ZNF146: variants seen among roughly 807,000 people sequenced by gnomAD.
The protein encoded by ZNF146 is zinc finger protein OZF.
Under a neutral mutation model 22.2 loss-of-function variants are expected in ZNF146, and 9 were observed. The ratio of observed to expected loss-of-function variants is 0.41; its 90% CI spans 0.24 to 0.71. The LOEUF (loss-of-function observed/expected upper bound fraction) is 0.71. ZNF146 is among the 30% of genes least tolerant of loss of function. ZNF146 has a pLI of 0.34. For missense variants in ZNF146, 194 were observed against 344.8 expected, an observed-to-expected ratio of 0.56 and a Z score of 3.46; for synonymous variants, 108 against 119.2, an observed-to-expected ratio of 0.91 and a Z score of 0.61.
chr19:36,221,805 T>C (rs1052633140), intron 2 of ZNF146, among the ~76,000 whole-genome samples: 2 of 151,994 alleles, frequency 1.3e-5, no homozygotes, highest in Non-Finnish European at 2.9e-5. Flanking sequence ...CACTATTATA[T>C]ATTTCTCTTC....
Position 36,238,144 on chromosome 19 carries a change from T to C in ZNF146, c.*825T>C, listed in dbSNP as rs577478579. 2 of 167,222 alleles carry C rather than the reference T, an allele frequency of 1.2e-5. No homozygotes were observed. Among genetic ancestry groups the C allele is most frequent in the East Asian group, 3.8e-4 (2 of 5,196 alleles). 10.4% of individuals were successfully genotyped at this position (167,222 alleles called of 1,614,324 possible). A position where few individuals can be genotyped will look rare whatever the true frequency, so the allele number is the denominator to read the frequency against. ...ATTCTTATGTAATACTATATATCTG[T>C]AAAATGCAACAAATGAAATCCACAT... On this transcript the variant is annotated 3_prime_UTR_variant, in exon 4 of 4. Transcript: ENST00000443387.
At chr19:36,217,158 G>T (rs898637399) in intron 1 of ZNF146, among the ~76,000 whole-genome samples, 1 of 135,952 alleles carries the variant, frequency 7.4e-6, no homozygotes, top group African/African-American at 2.7e-5. Flanking sequence ...TGCCCCCCAG[G>T]TTCAAGCGAT....
chr19:36,221,616 G>T (rs1976842274), intron 2 of ZNF146, among the ~76,000 whole-genome samples: 1 of 152,012 alleles, frequency 6.6e-6, no homozygotes, highest in African/African-American at 2.4e-5. Flanking sequence ...AAATGAATTT[G>T]ATTACTATTG....
At chr19:36,216,084 G>A (rs1976591552) in intron 1 of ZNF146, among the ~76,000 whole-genome samples, 1 of 152,086 alleles carries the variant, frequency 6.6e-6, no homozygotes, top group African/African-American at 2.4e-5. Context: ...ATTACAAAAA[G>A]TTAAATAAAG....
intron 1 of ZNF146, among the ~76,000 whole-genome samples, chr19:36,216,042 C>A (rs1286197799): frequency 6.6e-6 from 1 of 152,108 alleles, no homozygotes; most frequent in Non-Finnish European, 1.5e-5. Context: ...GAAATCACCC[C>A]GCCCCCGCTG....
At chr19:36,233,294 C>G (rs1977473209) in intron 3 of ZNF146, among the ~76,000 whole-genome samples, 1 of 152,086 alleles carries the variant, frequency 6.6e-6, no homozygotes, top group African/African-American at 2.4e-5. Flanking sequence ...CTTCAAGAAT[C>G]ACTTGAAGCC....
chr19:36,231,732 C>T (rs934343736), intron 3 of ZNF146, among the ~76,000 whole-genome samples: 6 of 151,996 alleles, frequency 3.9e-5, no homozygotes, highest in Admixed American at 2.6e-4. Flanking sequence ...ATTTCTTTTC[C>T]CATGGTCTTT....
chr19:36,228,271 T>C (rs1977168959), intron 2 of ZNF146, among the ~76,000 whole-genome samples: 1 of 151,618 alleles, frequency 6.6e-6, no homozygotes, highest in African/African-American at 2.4e-5. Flanking sequence ...CAGAACAACT[T>C]CTTCACATTG....
chr19:36,227,723 T>G (rs529258665), intron 2 of ZNF146, among the ~76,000 whole-genome samples: 1 of 152,178 alleles, frequency 6.6e-6, no homozygotes, highest in East Asian at 1.9e-4. Context: ...CCCAGCTAAT[T>G]TTGTATTTTT....
At chr19:36,227,815 G>A (rs1270015439) in intron 2 of ZNF146, among the ~76,000 whole-genome samples, 9 of 152,160 alleles carry the variant, frequency 5.9e-5, no homozygotes, top group African/African-American at 1.4e-4. Flanking sequence ...CCGGCCTCCC[G>A]AAGTGTTGGG....
chr19:36,237,058 T>C lies in ZNF146; in HGVS notation c.618T>C (p.His206=), dbSNP rs768135537. 1.9e-6 allele frequency: 3 copies of C among 1,614,080 alleles called. No individual in the cohort carries two copies. In the East Asian group the frequency reaches 6.7e-5, roughly 36 times the overall value. Residue 206 remains histidine (H), a synonymous_variant, in exon 4 of 4, where the codon CAT becomes CAC. Coordinates refer to ENST00000443387, the MANE Select transcript of ZNF146 (RefSeq NM_007145.3). ...RTSLIVHVRI[H]SGDKPYECNV... ...CACTTATTGTACATGTGAGGATTCA[T>C]TCAGGTGATAAACCTTACGAATGCA... is the stretch of plus-strand genomic sequence containing the variant.
chr19:36,222,994 T>C (rs1411942866), intron 2 of ZNF146, among the ~76,000 whole-genome samples: 4 of 152,034 alleles, frequency 2.6e-5, no homozygotes, highest in African/African-American at 9.7e-5. Flanking sequence ...TCATGTATTT[T>C]TTAGAGGCAC....
chr19:36,233,803 C>T (rs1337224847), intron 3 of ZNF146, among the ~76,000 whole-genome samples: 1 of 152,234 alleles, frequency 6.6e-6, no homozygotes, highest in Non-Finnish European at 1.5e-5. Flanking sequence ...TCCAGCTTTA[C>T]ACGGAGACAT....
At chr19:36,230,670 G>C (rs1977302158) in intron 3 of ZNF146, among the ~76,000 whole-genome samples, 2 of 152,194 alleles carry the variant, frequency 1.3e-5, no homozygotes, top group Admixed American at 1.3e-4. Context: ...ATAGTGATCA[G>C]GGCCGTGGGC....
chr19:36,231,604 C>T (rs1977374102), intron 3 of ZNF146, among the ~76,000 whole-genome samples: 1 of 152,196 alleles, frequency 6.6e-6, no homozygotes, highest in South Asian at 2.1e-4. Flanking sequence ...GTTTATGGGA[C>T]AGACAGCTGT....
At chr19:36,216,401 G>A (rs1357619795) in intron 1 of ZNF146, among the ~76,000 whole-genome samples, 1 of 152,116 alleles carries the variant, frequency 6.6e-6, no homozygotes, top group African/African-American at 2.4e-5. Context: ...AGCACTTTGG[G>A]AGGCCGAGAT....
At chr19:36,229,547 C>T (rs891706248) in intron 3 of ZNF146, among the ~76,000 whole-genome samples, 1 of 152,114 alleles carries the variant, frequency 6.6e-6, no homozygotes, top group African/African-American at 2.4e-5. Flanking sequence ...ACGCGTGTCA[C>T]GTATATCCTT....
intron 3 of ZNF146, among the ~76,000 whole-genome samples, chr19:36,234,689 G>A (rs1977569879): frequency 1.3e-5 from 2 of 152,178 alleles, no homozygotes; most frequent in Admixed American, 1.3e-4. Flanking sequence ...GAGCCACTGC[G>A]CCCGGCCAGC....
intron 2 of ZNF146, among the ~76,000 whole-genome samples, chr19:36,219,659 C>T (rs932112620): frequency 2.0e-5 from 3 of 152,150 alleles, no homozygotes; most frequent in African/African-American, 7.2e-5. Flanking sequence ...TACTTTGGTT[C>T]ATTCTCCATC....
Sources: gnomAD v4.1 joint callset for allele counts (sites outside exome capture counted in the v4.1 genomes callset) on GRCh38, gnomAD v4.1.1 for gene constraint, MANE v1.5 for transcripts, NCBI Gene and HGNC (gene_info 2026-07-23, HGNC 2026-07-21) for gene names.